The following PPFIA3 variants were observed in gnomAD, a reference collection of about 807,000 sequenced individuals.
PPFIA3 encodes the protein PPFI scaffold protein A3.
A neutral mutation model predicts 145.8 loss-of-function variants in PPFIA3; 26 were observed. The ratio of observed to expected loss-of-function variants is 0.18; its 90% CI spans 0.13 to 0.25. The LOEUF is 0.25. Among genes scored for constraint, PPFIA3 ranks in the 10% least tolerant of loss-of-function variants. The pLI is 1.00. For missense variants in PPFIA3, 1,008 were observed against 1,587.8 expected (o/e 0.63, Z 6.21); for synonymous variants, 645 against 661.4 (o/e 0.98, Z 0.38).
Position 49,149,515 on chromosome 19 carries a change from T to A in PPFIA3, c.3355-32T>A, listed in dbSNP as rs373445557. ...GGGGCGGAGTCAGACAAGGCAGGAG[T>A]CCCTCACCGGCTGTCCGGCTCCTAT... On this transcript the variant is annotated intron_variant, in intron 27 of 29. Transcript: ENST00000334186. The surrounding 1 kb of genome is among the most constrained non-coding windows in gnomAD (Gnocchi z 5.7). The A allele has an allele frequency of 1.4e-5, 22 of 1,612,316 alleles. No homozygotes were observed. The African/African-American group carries it at 3.0e-4, about 22-fold the overall frequency.
intron 23 of PPFIA3, among the ~76,000 whole-genome samples, chr19:49,147,805 C>G (rs899699423): frequency 6.6e-6 from 1 of 152,166 alleles, no homozygotes; most frequent in Non-Finnish European, 1.5e-5. Flanking sequence ...TTCAGTAGGT[C>G]TGGAGTAAGG....
Position 49,130,630 on chromosome 19 carries a change from G to T in PPFIA3, c.879+31G>T. ...GCCCCCAGGGAGGCGGGCTGCCCTG[G>T]GTCCCTCGCCTTTCCGTAGAGCTCT... is the stretch of plus-strand genomic sequence containing the variant. On this transcript the variant is annotated intron_variant, in intron 7 of 29. Coordinates refer to ENST00000334186, the MANE Select transcript of PPFIA3 (RefSeq NM_003660.4). This position sits in a 1 kb window ranked among gnomAD's most constrained non-coding sequence, Gnocchi z 4.5. 2 of 1,535,382 alleles carry T rather than the reference G, an allele frequency of 1.3e-6. No homozygotes were observed. The highest frequency in any genetic ancestry group is 1.8e-6 in the Non-Finnish European group (2 of 1,137,514).
intron 7 of PPFIA3, among the ~76,000 whole-genome samples, chr19:49,131,412 T>G (rs2041070944): frequency 6.7e-6 from 1 of 149,108 alleles, no homozygotes; most frequent in Admixed American, 6.8e-5. Context: ...CTCGAACTCC[T>G]GACCTCAAGT....
At chr19:49,142,554 TCTCTCC>T (rs1391398417) in intron 20 of PPFIA3, among the ~76,000 whole-genome samples, 2 of 148,448 alleles carry the variant, frequency 1.3e-5, no homozygotes, top group South Asian at 2.2e-4. Flanking sequence ...TCTCTCTTTC[TCTCTCC>T]CTCTCCCTCT....
At position 49,142,121 on chromosome 19, in the gene PPFIA3, G is replaced by A. The variant is rs1333888510; in HGVS notation, c.2544+6G>A. 1.9e-6 allele frequency: 3 copies of A among 1,565,142 alleles called. No individual in the cohort carries two copies. The Admixed American group carries it at 5.8e-5, about 30-fold the overall frequency. On this transcript the variant is annotated splice_donor_region_variant and intron_variant, in intron 20 of 29. Transcript: ENST00000334186. ...CCGTGGTGTCCTGGCTGGAGGTACT[G>A]GGGCCCAGAAATGCCCTGACTGTTG...
chr19:49,138,631 T>G (rs2041171157), intron 16 of PPFIA3, among the ~76,000 whole-genome samples: 1 of 152,250 alleles, frequency 6.6e-6, no homozygotes, highest in African/African-American at 2.4e-5. Flanking sequence ...TAGTCAGATC[T>G]GGTCTACTTT....
intron 25 of PPFIA3, 32 bp from the exon 26 acceptor site, chr19:49,148,961 G>A: frequency 1.2e-6 from 2 of 1,608,424 alleles, no homozygotes; most frequent in Non-Finnish European, 1.7e-6. Flanking sequence ...GGCCACGGGA[G>A]GGGCACGGCT....
At chr19:49,146,346 T>C (rs2041280483) in intron 23 of PPFIA3, 154 bp downstream of exon 23, 3 of 967,618 alleles carry the variant, frequency 3.1e-6, no homozygotes, top group Admixed American at 2.8e-5. Context: ...TGTTCCATTA[T>C]GGCTTGGCGG....
intron 21 of PPFIA3, among the ~76,000 whole-genome samples, chr19:49,143,651 G>T (rs1181671022): frequency 1.3e-5 from 2 of 152,192 alleles, no homozygotes; most frequent in Non-Finnish European, 2.9e-5. Context: ...GAGATTACAG[G>T]CGTGAGCCCC....
intron 4 of PPFIA3, 70 bp downstream of exon 4, chr19:49,129,082 G>A: frequency 6.8e-7 from 1 of 1,469,808 alleles, no homozygotes; most frequent in Non-Finnish European, 9.1e-7. Flanking sequence ...CTGAGTGGGA[G>A]AGATTCTGGC....
intron 1 of PPFIA3, among the ~76,000 whole-genome samples, chr19:49,127,236 G>T (rs2041010138): frequency 6.6e-6 from 1 of 151,576 alleles, no homozygotes; most frequent in Non-Finnish European, 1.5e-5. Context: ...ACAAAAATTA[G>T]CTGGGCATGG....
Position 49,128,183 on chromosome 19 carries a change from C to G in PPFIA3, c.240+70C>G. 1 of 1,467,026 alleles carries G rather than the reference C, an allele frequency of 6.8e-7. No individual in the cohort carries two copies. The highest frequency in any genetic ancestry group is 1.4e-5 in the African/African-American group (1 of 71,474). The allele number at this position is 1,467,026 out of a possible 1,614,324, so 90.9% of individuals were successfully genotyped here. On this transcript the variant is annotated intron_variant, in intron 2 of 29. Transcript: ENST00000334186. This position sits in a 1 kb window ranked among gnomAD's most constrained non-coding sequence, Gnocchi z 4.1. Reference sequence around the variant, plus strand: ...GGGGAAGAAGGCGGTCCGGAAGGGGCCGGGCTTGGCGCCTGGAAGGGAGGA... The same window carrying G: ...GGGGAAGAAGGCGGTCCGGAAGGGGGCGGGCTTGGCGCCTGGAAGGGAGGA...
Position 49,130,024 on chromosome 19 carries a change from G to T in PPFIA3, c.614G>T (p.Arg205Leu). Residue 205 changes from arginine (R) to leucine (L), a missense_variant, in exon 6 of 30, where the codon CGG becomes CTG. By Grantham distance (102) the Arg-to-Leu change is moderately radical (BLOSUM62 -2). Transcript: ENST00000334186. The surrounding 1 kb of genome is among the most constrained non-coding windows in gnomAD (Gnocchi z 4.5). ...TLNLREQLSR[R>L]RSGLEEPGKD... Reference sequence around the variant, plus strand: ...AACCTTCGAGAACAGCTGTCTAGGCGGCGGTCAGGGCTGGAAGAGCCGGGC... The same window carrying T: ...AACCTTCGAGAACAGCTGTCTAGGCTGCGGTCAGGGCTGGAAGAGCCGGGC... 2 of 1,613,654 alleles carry T rather than the reference G, an allele frequency of 1.2e-6. No homozygotes were observed. Among genetic ancestry groups the T allele is most frequent in the Non-Finnish European group, 1.7e-6 (2 of 1,179,870 alleles).
At position 49,132,985 on chromosome 19, in the gene PPFIA3, T is replaced by G; in HGVS notation, c.880-16T>G. 6.2e-7 allele frequency: 1 copy of G among 1,607,592 alleles called. No individual in the cohort carries two copies. The highest frequency in any genetic ancestry group is 8.5e-7 in the Non-Finnish European group (1 of 1,177,906). On this transcript the variant is annotated splice_polypyrimidine_tract_variant and intron_variant, in intron 7 of 29. Coordinates refer to ENST00000334186, the MANE Select transcript of PPFIA3 (RefSeq NM_003660.4). ...CAGGGGCTCGCAGTCCACGGGGCCC[T>G]TTGCTACCTCCGCAGGCGCTGGCGC...
In PPFIA3 at chr19:49,126,440, C is replaced by T. The variant is rs981143039; in HGVS notation, c.-15-1419C>T. Among the ~76,000 whole-genome samples, 10 of 151,684 alleles carry T rather than the reference C, an allele frequency of 6.6e-5. No individual in the cohort carries two copies. The South Asian group carries it at 1.5e-3, about 22-fold the overall frequency. ...ATTTTTTTTGTATTTTTAGTAGAGA[C>T]GGGGGTCACCATGTTGCACAGCCTG... On this transcript the variant is annotated intron_variant, in intron 1 of 29. Coordinates refer to ENST00000334186, the MANE Select transcript of PPFIA3 (RefSeq NM_003660.4).
At position 49,143,119 on chromosome 19, in the gene PPFIA3, T is replaced by C. The variant is rs142872680; in HGVS notation, c.2745+115T>C. On this transcript the variant is annotated intron_variant, in intron 21 of 29. Coordinates refer to ENST00000334186, the MANE Select transcript of PPFIA3 (RefSeq NM_003660.4). ...CCTGTCCCACGACCCTGCTTCTCAT[T>C]GGCTTTTACCCCCCTCAGCCTCCCC... 3.4e-3 allele frequency: 4,146 copies of C among 1,220,916 alleles called. 29 individuals carry two copies. Among genetic ancestry groups the C allele is most frequent in the East Asian group, 0.021 (836 of 39,164 alleles). The allele number at this position is 1,220,916 out of a possible 1,614,324, so 75.6% of individuals were successfully genotyped here.
rs1167746787 is a variant in PPFIA3 at position 49,130,637 on chromosome 19, C to G, written c.879+38C>G. ...GGGAGGCGGGCTGCCCTGGGTCCCT[C>G]GCCTTTCCGTAGAGCTCTCCCTCGC... On this transcript the variant is annotated intron_variant, in intron 7 of 29. Transcript: ENST00000334186. This position sits in a 1 kb window ranked among gnomAD's most constrained non-coding sequence, Gnocchi z 4.5. 1.3e-6 allele frequency: 2 copies of G among 1,521,466 alleles called. No homozygotes were observed. The allele number at this position is 1,521,466 out of a possible 1,614,324, so 94.2% of individuals were successfully genotyped here. A position where few individuals can be genotyped will look rare whatever the true frequency, so the allele number is the denominator to read the frequency against.
In PPFIA3 at chr19:49,133,985, G is replaced by T; in HGVS notation, c.1246-49G>T. On this transcript the variant is annotated intron_variant, in intron 10 of 29. Coordinates refer to ENST00000334186, the MANE Select transcript of PPFIA3 (RefSeq NM_003660.4). The surrounding 1 kb of genome is among the most constrained non-coding windows in gnomAD (Gnocchi z 7.2). The stretch of plus-strand genomic sequence containing the variant: ...GGGTGGGGCTTAGAGGAAGGGCCGT[G>T]GTCTGGGCAGGGTGGGCTTAACAAC... 6.2e-7 allele frequency: 1 copy of T among 1,604,890 alleles called. No homozygotes were observed. The highest frequency in any genetic ancestry group is 8.5e-7 in the Non-Finnish European group (1 of 1,175,242).
At chr19:49,137,562 G>A (rs1311651017) in intron 15 of PPFIA3, among the ~76,000 whole-genome samples, 13 of 147,702 alleles carry the variant, frequency 8.8e-5, no homozygotes, top group Non-Finnish European at 1.8e-4. Context: ...CCCGGGAGGC[G>A]GAGCTTGCAG....
Sources: gnomAD v4.1 joint callset for allele counts (sites outside exome capture counted in the v4.1 genomes callset) on GRCh38, gnomAD v4.1.1 for gene constraint, Gnocchi (gnomAD v3.1) non-coding constraint, MANE v1.5 for transcripts, NCBI Gene and HGNC (gene_info 2026-07-23, HGNC 2026-07-21) for gene names.